HDAC5: variants seen among roughly 807,000 people sequenced by gnomAD.
HDAC5 encodes the protein antigen NY-CO-9.
In HDAC5, 25 loss-of-function variants were observed where a neutral mutation model predicts 133.3. That is an observed-to-expected ratio of 0.19 (90% CI 0.14 to 0.26). HDAC5 has a LOEUF of 0.26. Among genes scored for constraint, HDAC5 ranks in the 10% least tolerant of loss-of-function variants. The pLI is 1.00. For missense variants in HDAC5, 1,041 were observed against 1,460.5 expected (o/e 0.71, Z 4.68); for synonymous variants, 589 against 610.8 (o/e 0.96, Z 0.53).
chr17:44,082,437 C>A, intron 20 of HDAC5, 148 bp downstream of exon 20: 1 of 629,308 alleles, frequency 1.6e-6, no homozygotes, highest in Non-Finnish European at 2.8e-6. Context: ...GGAGCCCCAG[C>A]GCCCTTCCTT....
chr17:44,122,944 G>GA (rs1400816340), intron 1 of HDAC5, among the ~76,000 whole-genome samples: 1 of 152,210 alleles, frequency 6.6e-6, no homozygotes. Context: ...GAGACGGGGT[G>GA]AGAATAATGG....
chr17:44,096,114 G>T (rs2051257359), intron 3 of HDAC5, among the ~76,000 whole-genome samples: 1 of 152,150 alleles, frequency 6.6e-6, no homozygotes, highest in South Asian at 2.1e-4. Context: ...CCAGCAGGGA[G>T]CCCCAAGCCC....
chr17:44,085,368 C>T, intron 14 of HDAC5: 1 of 435,530 alleles, frequency 2.3e-6, no homozygotes. Flanking sequence ...ACTCTGTCAC[C>T]CAGGCTGGAG....
intron 3 of HDAC5, among the ~76,000 whole-genome samples, chr17:44,107,702 A>C (rs1438881330): frequency 6.6e-6 from 1 of 150,992 alleles, no homozygotes; most frequent in East Asian, 1.9e-4. Flanking sequence ...TGAGTCTTGC[A>C]CTTCTTACCC....
Position 44,092,157 on chromosome 17 carries a change from C to T in HDAC5, c.1032+15G>A. On this transcript the variant is annotated intron_variant, in intron 9 of 26. Transcript: ENST00000682912. ...ACTCTGTCCCCGCCCCACCAGCCCC[C>T]AGCCAGGCCTGTACCTCAGTGGGGA... 1 of 1,607,438 alleles carries T rather than the reference C, an allele frequency of 6.2e-7. No individual in the cohort carries two copies. The highest frequency in any genetic ancestry group is 8.5e-7 in the Non-Finnish European group (1 of 1,174,924).
At chr17:44,085,830 C>CG (rs1341229188) in intron 14 of HDAC5, among the ~76,000 whole-genome samples, 3 of 151,914 alleles carry the variant, frequency 2.0e-5, no homozygotes, top group African/African-American at 7.3e-5. Context: ...TTTAAAGAGA[C>CG]GGGGTCTCAC....
intron 13 of HDAC5, among the ~76,000 whole-genome samples, chr17:44,087,118 C>G (rs1314679014): frequency 6.6e-6 from 1 of 151,572 alleles, no homozygotes; most frequent in African/African-American, 2.4e-5. Context: ...CGCACAGGCA[C>G]GCACAGGGAC....
rs2051901392 is a variant in HDAC5, at chr17:44,105,826, C to A, written c.94+4903G>T. ...CAGGGATGCTGATGACATCTACTGG[C>A]TGACTGCTGGGCCCTGTGACCCATG... On this transcript the variant is annotated intron_variant, in intron 3 of 26. Coordinates refer to ENST00000682912, the MANE Select transcript of HDAC5 (RefSeq NM_005474.5). Among the ~76,000 whole-genome samples the A allele has an allele frequency of 2.0e-5, 3 of 152,330 alleles. No individual in the cohort carries two copies. The South Asian group carries it at 6.2e-4, about 32-fold the overall frequency.
chr17:44,102,898 C>T (rs778449525), intron 3 of HDAC5, among the ~76,000 whole-genome samples: 1 of 151,540 alleles, frequency 6.6e-6, no homozygotes, highest in Non-Finnish European at 1.5e-5. Context: ...TATCCCCCGA[C>T]CTCAGCTGAT....
intron 3 of HDAC5, among the ~76,000 whole-genome samples, chr17:44,099,259 G>A (rs2051443271): frequency 6.6e-6 from 1 of 152,136 alleles, no homozygotes; most frequent in South Asian, 2.1e-4. Flanking sequence ...AGAGGTCAGA[G>A]GCAAGGCTCT....
chr17:44,078,432 G>A lies in HDAC5; in HGVS notation c.3330-17C>T, dbSNP rs1370613472. On this transcript the variant is annotated splice_polypyrimidine_tract_variant and intron_variant, in intron 26 of 26. Transcript: ENST00000682912. ...TCTGCCGGCCTGTGGGGCAAGCACA[G>A]GGGAGGGTATTGAGTGGGGCGCACC... 6.4e-7 allele frequency: 1 copy of A among 1,551,410 alleles called. No individual in the cohort carries two copies. Among genetic ancestry groups the A allele is most frequent in the Non-Finnish European group, 8.7e-7 (1 of 1,146,082 alleles).
intron 2 of HDAC5, chr17:44,111,680 G>A: frequency 1.9e-6 from 1 of 517,022 alleles, no homozygotes; most frequent in South Asian, 1.4e-5. Context: ...CTTAACTTCT[G>A]CCCTCCCACA....
At position 44,112,345 on chromosome 17, in the gene HDAC5, G is replaced by A. The variant is rs577823509; in HGVS notation, c.23-1545C>T. Among the ~76,000 whole-genome samples, 44 of 151,788 alleles carry A rather than the reference G, an allele frequency of 2.9e-4. 1 individual carries two copies. Among genetic ancestry groups the A allele is most frequent in the East Asian group, 2.7e-3 (14 of 5,184 alleles). On this transcript the variant is annotated intron_variant, in intron 2 of 26. Coordinates refer to ENST00000682912, the MANE Select transcript of HDAC5 (RefSeq NM_005474.5). ...CCATGAGGACCAGTGGCACTCCCCCGCCCTCCCCACCGCTGGCCTGCCCCT... is the reference window on the plus strand; with the variant it reads ...CCATGAGGACCAGTGGCACTCCCCCACCCTCCCCACCGCTGGCCTGCCCCT...
intron 20 of HDAC5, among the ~76,000 whole-genome samples, chr17:44,081,150 G>C (rs953590930): frequency 3.3e-5 from 5 of 152,314 alleles, no homozygotes; most frequent in African/African-American, 1.2e-4. Context: ...TCAAAACCAT[G>C]GGATAAATGT....
Position 44,092,701 on chromosome 17 carries a change from T to C in HDAC5, c.747A>G (p.Arg249=), listed in dbSNP as rs2051015706. 2 of 1,514,792 alleles carry C rather than the reference T, an allele frequency of 1.3e-6. No individual in the cohort carries two copies. The highest frequency in any genetic ancestry group is 2.6e-5 in the South Asian group (2 of 75,776). 93.8% of individuals were successfully genotyped at this position (1,514,792 alleles called of 1,614,324 possible). A position where few individuals can be genotyped will look rare whatever the true frequency, so the allele number is the denominator to read the frequency against. Residue 249 remains arginine (R), a synonymous_variant, in exon 7 of 27, where the codon CGA becomes CGG. Coordinates refer to ENST00000682912, the MANE Select transcript of HDAC5 (RefSeq NM_005474.5). ...CTGTTTTGCGGAGGGGGAAGTCGTC[T>C]CGACTGTCGTAGGGCCCAGGCAAAG... is the stretch of plus-strand genomic sequence containing the variant. ...KLPLPGPYDS[R]DDFPLRKTAS...
chr17:44,090,616 C>A (rs540237975), intron 11 of HDAC5, among the ~76,000 whole-genome samples: 340 of 152,060 alleles, frequency 2.2e-3, no homozygotes, highest in Non-Finnish European at 3.3e-3. Context: ...CTCAAGTGAT[C>A]CACCTGCCTT....
chr17:44,114,445 G>C (rs1000171406), intron 2 of HDAC5, among the ~76,000 whole-genome samples: 44 of 152,328 alleles, frequency 2.9e-4, no homozygotes, highest in South Asian at 1.0e-3. Context: ...CGTGGGGGGG[G>C]GGGGCTGCTG....
chr17:44,115,407 G>A (rs1190589314), intron 2 of HDAC5, among the ~76,000 whole-genome samples: 1 of 152,172 alleles, frequency 6.6e-6, no homozygotes, highest in African/African-American at 2.4e-5. Context: ...GTGGACACCC[G>A]CGTGCTCTGG....
At chr17:44,089,541 TC>T (rs1271654798) in intron 11 of HDAC5, among the ~76,000 whole-genome samples, 1 of 151,914 alleles carries the variant, frequency 6.6e-6, no homozygotes, top group Non-Finnish European at 1.5e-5. Flanking sequence ...GGTCAGGAGT[TC>T]AAGACCAGCC....
Sources: allele counts gnomAD v4.1 joint callset (sites outside exome capture counted in the v4.1 genomes callset), GRCh38; gene constraint gnomAD v4.1.1; transcripts MANE v1.5; gene names NCBI Gene and HGNC (gene_info 2026-07-23, HGNC 2026-07-21).